Variants in ZNF620 observed in about 807,000 individuals in gnomAD.
ZNF620 encodes the protein zinc finger protein 620.
A neutral mutation model predicts 13.3 loss-of-function variants in ZNF620; 10 were observed. The observed-to-expected ratio is 0.75, with a 90% CI of 0.46 to 1.28. The LOEUF is 1.28. Ranked by LOEUF, ZNF620 falls within the 50% of genes most tolerant of loss-of-function variation. ZNF620 has a pLI of 0.00. For synonymous variants in ZNF620, 166 were observed against 177.6 expected (o/e 0.93, Z 0.52); for missense variants, 461 against 500.2 (o/e 0.92, Z 0.75).
chr3:40,511,755 C>T (rs548818100), intron 3 of ZNF620, among the ~76,000 whole-genome samples, 159 bp downstream of exon 3: 1 of 151,956 alleles, frequency 6.6e-6, no homozygotes, highest in South Asian at 2.1e-4. Context: ...AATCTCGGCT[C>T]ACTACAACCT....
intron 4 of ZNF620, among the ~76,000 whole-genome samples, chr3:40,514,256 C>CCT (rs751356687): frequency 6.6e-6 from 1 of 152,016 alleles, no homozygotes. Flanking sequence ...TAAGCTGTCC[C>CCT]CTCTCTCTCT....
chr3:40,515,837 T>C (rs13095915), intron 4 of ZNF620, 23 bp from the exon 5 acceptor site: 50,289 of 1,576,930 alleles, frequency 0.032, 4,203 homozygotes, highest in African/African-American at 0.3. Context: ...GGGACTGACA[T>C]TTGTATTTTC....
rs745456908 is a variant in ZNF620, at chr3:40,515,814, GTGTGTGA to G, written c.266-44_266-38del. ...TGTGTGTGTGTGTGTGTGTGTGTGT[GTGTGTGA>G]TATCAGGGACTGACATTTGTATTTT... On this transcript the variant is annotated intron_variant, in intron 4 of 4. Coordinates refer to ENST00000314529, the MANE Select transcript of ZNF620 (RefSeq NM_175888.4). 785 of 1,429,990 alleles carry G rather than the reference GTGTGTGA, an allele frequency of 5.5e-4. 10 individuals are homozygous for G. The highest frequency in any genetic ancestry group is 1.3e-3 in the Middle Eastern group (7 of 5,286). 88.6% of individuals were successfully genotyped at this position (1,429,990 alleles called of 1,614,324 possible).
Position 40,516,909 on chromosome 3 carries a change from A to G in ZNF620, c.*46A>G. 2.6e-6 allele frequency: 4 copies of G among 1,521,310 alleles called. No homozygotes were observed. The highest frequency in any genetic ancestry group is 3.5e-6 in the Non-Finnish European group (4 of 1,135,238). The allele number at this position is 1,521,310 out of a possible 1,614,324, so 94.2% of individuals were successfully genotyped here. A position where few individuals can be genotyped will look rare whatever the true frequency, so the allele number is the denominator to read the frequency against. On this transcript the variant is annotated 3_prime_UTR_variant, in exon 5 of 5. Coordinates refer to ENST00000314529, the MANE Select transcript of ZNF620 (RefSeq NM_175888.4). The stretch of plus-strand genomic sequence containing the variant: ...ACTGTGCCTCTCCTTTTTTCTCTTT[A>G]TTTTCATGCTTTTTATCAGTGTCCT...
chr3:40,514,266 T>A (rs2125662062), intron 4 of ZNF620, among the ~76,000 whole-genome samples: 1 of 152,236 alleles, frequency 6.6e-6, no homozygotes. Context: ...CCTCTCTCTC[T>A]CCGCCTCGGC....
At chr3:40,515,701 T>C (rs1368656109) in intron 4 of ZNF620, among the ~76,000 whole-genome samples, 159 bp from the exon 5 acceptor site, 2 of 152,186 alleles carry the variant, frequency 1.3e-5, no homozygotes, top group African/African-American at 4.8e-5. Context: ...GGCAGCCATC[T>C]TGTGAGCATA....
At chr3:40,515,163 C>T (rs1342627027) in intron 4 of ZNF620, among the ~76,000 whole-genome samples, 2 of 152,204 alleles carry the variant, frequency 1.3e-5, no homozygotes, top group Admixed American at 6.5e-5. Context: ...GCATCGTTAC[C>T]AGGCCCTCTT....
chr3:40,507,082 C>T (rs977988551), intron 2 of ZNF620, among the ~76,000 whole-genome samples: 1 of 144,826 alleles, frequency 6.9e-6, no homozygotes. Flanking sequence ...ATTTAGATGA[C>T]CATATGGTTT....
chr3:40,509,458 T>C (rs1345174335), intron 2 of ZNF620, among the ~76,000 whole-genome samples: 1 of 151,962 alleles, frequency 6.6e-6, no homozygotes, highest in Non-Finnish European at 1.5e-5. Context: ...TCTCGAACTC[T>C]TGGCCTCGAG....
chr3:40,512,131 G>A (rs1482266460), intron 3 of ZNF620, among the ~76,000 whole-genome samples: 6 of 152,224 alleles, frequency 3.9e-5, no homozygotes, highest in Admixed American at 3.3e-4. Context: ...AACATGGGGG[G>A]GAAAGGAGCT....
intron 2 of ZNF620, among the ~76,000 whole-genome samples, chr3:40,507,094 T>TG (rs966152236): frequency 1.3e-4 from 19 of 144,912 alleles, no homozygotes; most frequent in African/African-American, 4.7e-4. Flanking sequence ...ATATGGTTTT[T>TG]TTTTTTTTTT....
At position 40,511,396 on chromosome 3, in the gene ZNF620, G is replaced by A. The variant is rs1698192812; in HGVS notation, c.25-74G>A. The A allele has an allele frequency of 7.0e-6, 11 of 1,572,582 alleles. No homozygotes were observed. The South Asian group carries it at 1.0e-4, about 15-fold the overall frequency. ...GTCCTTGGCAATACCACTAGACCCA[G>A]TAGATCTCTGCCCCACTACTTAGCC... On this transcript the variant is annotated intron_variant, in intron 2 of 4. Transcript: ENST00000314529.
intron 2 of ZNF620, among the ~76,000 whole-genome samples, chr3:40,507,925 A>G (rs1226201809): frequency 1.3e-5 from 2 of 152,186 alleles, no homozygotes; most frequent in African/African-American, 4.8e-5. Flanking sequence ...CACTACGCCC[A>G]GCTTAAATGA....
intron 2 of ZNF620, 132 bp from the exon 3 acceptor site, chr3:40,511,338 A>G (rs867780748): frequency 7.9e-7 from 1 of 1,270,338 alleles, no homozygotes; most frequent in Middle Eastern, 2.7e-4. Flanking sequence ...AAGATGGCTG[A>G]GGGCTGGCCT....
intron 2 of ZNF620, among the ~76,000 whole-genome samples, chr3:40,507,934 G>A (rs1698079591): frequency 1.3e-5 from 2 of 152,138 alleles, no homozygotes; most frequent in African/African-American, 4.8e-5. Context: ...CAGCTTAAAT[G>A]AGTTTTGGTA....
At chr3:40,511,883 T>C (rs1000125293) in intron 3 of ZNF620, among the ~76,000 whole-genome samples, 2 of 152,068 alleles carry the variant, frequency 1.3e-5, no homozygotes, top group African/African-American at 4.8e-5. Context: ...GGTTTCTCCA[T>C]GTTGGCCAGG....
In ZNF620 at chr3:40,516,831, C is replaced by G. The variant is rs779396425; in HGVS notation, c.1237C>G (p.Leu413Val). Residue 413 changes from leucine to valine, a missense_variant, in exon 5 of 5, where the codon CTA becomes GTA. Physicochemically the swap from Leu to Val is conservative, Grantham distance 32 (BLOSUM62 1). Coordinates refer to ENST00000314529, the MANE Select transcript of ZNF620 (RefSeq NM_175888.4). ...TGGAAGATTCATTCTGCATCAGAAACTACACACTCAGAAGACACCTGTCCA... is the reference window on the plus strand; with the variant it reads ...TGGAAGATTCATTCTGCATCAGAAAGTACACACTCAGAAGACACCTGTCCA... ...WCGRFILHQK[L>V]HTQKTPVQA 1.2e-5 allele frequency: 20 copies of G among 1,612,012 alleles called. No homozygotes were observed. The highest frequency in any genetic ancestry group is 1.6e-5 in the Non-Finnish European group (19 of 1,178,554).
At position 40,511,554 on chromosome 3, in the gene ZNF620, AG is replaced by A. The variant is rs750471918; in HGVS notation, c.112del (p.Glu38LysfsTer2). ...SLDSVQRALY[R>X]EVMLENYANV... is the part of the protein sequence containing the mutation. Reference sequence around the variant, plus strand: ...GGACTCTGTGCAGAGGGCCCTGTACAGGGAAGTGATGCTGGAGAATTATGCA... The same window carrying A: ...GGACTCTGTGCAGAGGGCCCTGTACAGGAAGTGATGCTGGAGAATTATGCA... On this transcript the variant is annotated frameshift_variant, in exon 3 of 5. Coordinates refer to ENST00000314529, the MANE Select transcript of ZNF620 (RefSeq NM_175888.4). LOFTEE classifies it high-confidence loss of function. The A allele has an allele frequency of 3.7e-6, 6 of 1,613,264 alleles. No homozygotes were observed. Among genetic ancestry groups the A allele is most frequent in the Non-Finnish European group, 5.1e-6 (6 of 1,179,738 alleles).
intron 4 of ZNF620, among the ~76,000 whole-genome samples, chr3:40,514,777 TAAA>T (rs972439698): frequency 6.6e-5 from 10 of 152,094 alleles, no homozygotes; most frequent in Non-Finnish European, 4.4e-5. Context: ...ATCTCAAAAA[TAAA>T]TAAATACATA....
Sources: gnomAD v4.1 joint callset for allele counts (sites outside exome capture counted in the v4.1 genomes callset) on GRCh38, gnomAD v4.1.1 for gene constraint, MANE v1.5 for transcripts, NCBI Gene and HGNC (gene_info 2026-07-23, HGNC 2026-07-21) for gene names.